The following PHLDB2 variants were observed in gnomAD, a reference collection of about 807,000 sequenced individuals.
PHLDB2 encodes the protein pleckstrin homology-like domain family B member 2.
In PHLDB2, 71 loss-of-function variants were observed where a neutral mutation model predicts 123.6. That is an observed-to-expected ratio of 0.57 (90% CI 0.47 to 0.70). The LOEUF is 0.70. Ranked by LOEUF, PHLDB2 falls within the 30% of genes least tolerant of loss-of-function variation. The probability of loss-of-function intolerance (pLI) is 0.00; values close to 1 mark genes in which losing one functional copy is unlikely to be tolerated. For missense variants in PHLDB2, 1,446 were observed against 1,519.5 expected (o/e 0.95, Z 0.80); for synonymous variants, 547 against 541.6 (o/e 1.01, Z -0.14).
intron 4 of PHLDB2, among the ~76,000 whole-genome samples, chr3:111,919,844 T>G (rs1370388851): frequency 6.6e-6 from 1 of 152,232 alleles, no homozygotes; most frequent in Non-Finnish European, 1.5e-5. Flanking sequence ...ACCTGTTGTC[T>G]TGCGTAGAGA....
chr3:111,873,425 G>C lies in PHLDB2; in HGVS notation c.-14-10639G>C, dbSNP rs141670286. Reference sequence around the variant, plus strand: ...AATATTTTAGTCAGGTGGTTAAGTAGCATTTCCAACTACAAACAGGTTCGA... The same window carrying C: ...AATATTTTAGTCAGGTGGTTAAGTACCATTTCCAACTACAAACAGGTTCGA... On this transcript the variant is annotated intron_variant, in intron 1 of 17. Coordinates refer to ENST00000431670, the MANE Select transcript of PHLDB2 (RefSeq NM_001134438.2). 3.7e-3 allele frequency among the ~76,000 whole-genome samples: 557 copies of C among 152,292 alleles called. 4 individuals carry two copies. Among genetic ancestry groups the C allele is most frequent in the African/African-American group, 0.013 (538 of 41,552 alleles).
intron 1 of PHLDB2, among the ~76,000 whole-genome samples, chr3:111,760,158 T>G (rs1029197531): frequency 1.3e-5 from 2 of 152,262 alleles, no homozygotes; most frequent in Non-Finnish European, 2.9e-5. Flanking sequence ...TATTCCTGAC[T>G]GATATTCTTT....
intron 9 of PHLDB2, among the ~76,000 whole-genome samples, chr3:111,948,289 A>T (rs1266273768): frequency 6.6e-6 from 1 of 152,024 alleles, no homozygotes; most frequent in African/African-American, 2.4e-5. Flanking sequence ...GTGTTTGTGC[A>T]TGCACACATT....
At chr3:111,865,104 G>A (rs2065003805) in intron 1 of PHLDB2, among the ~76,000 whole-genome samples, 1 of 152,230 alleles carries the variant, frequency 6.6e-6, no homozygotes, top group Admixed American at 6.5e-5. Flanking sequence ...CAGACCCAGT[G>A]TGAATAGTGC....
intron 1 of PHLDB2, among the ~76,000 whole-genome samples, chr3:111,860,246 C>G (rs1161095723): frequency 6.6e-6 from 1 of 151,764 alleles, no homozygotes; most frequent in African/African-American, 2.4e-5. Context: ...TCAGAGAAGA[C>G]TCCCTCCCCG....
At chr3:111,897,488 T>C (rs955055006) in intron 2 of PHLDB2, among the ~76,000 whole-genome samples, 3 of 152,236 alleles carry the variant, frequency 2.0e-5, no homozygotes, top group Non-Finnish European at 4.4e-5. Flanking sequence ...AAGTTGCAAA[T>C]AGCCAAAAGC....
chr3:111,939,042 A>G (rs1577136788), intron 6 of PHLDB2, among the ~76,000 whole-genome samples: 2 of 152,082 alleles, frequency 1.3e-5, no homozygotes, highest in African/African-American at 4.8e-5. Flanking sequence ...TCCTGACCTC[A>G]GGTGATCCCC....
chr3:111,869,714 TG>T (rs1179566822), intron 1 of PHLDB2, among the ~76,000 whole-genome samples: 2 of 4,326 alleles, frequency 4.6e-4, no homozygotes, highest in Non-Finnish European at 0.017. Context: ...TCTGTGTGTG[TG>T]TGTGTGTGTG....
intron 2 of PHLDB2, among the ~76,000 whole-genome samples, chr3:111,890,577 AC>A (rs1217267848): frequency 2.0e-5 from 3 of 152,236 alleles, no homozygotes; most frequent in Non-Finnish European, 4.4e-5. Context: ...TAATGAGGAA[AC>A]CAGGTGGGGT....
intron 16 of PHLDB2, among the ~76,000 whole-genome samples, chr3:111,972,405 C>T (rs2072260303): frequency 6.6e-6 from 1 of 151,966 alleles, no homozygotes. Flanking sequence ...CTTTTCAGGG[C>T]CATTATTTTT....
At chr3:111,755,921 T>C (rs2059879960) in intron 1 of PHLDB2, among the ~76,000 whole-genome samples, 1 of 151,414 alleles carries the variant, frequency 6.6e-6, no homozygotes, top group African/African-American at 2.4e-5. Context: ...CCACTAGTCA[T>C]TCAGGAGCAG....
At chr3:111,868,397 G>A (rs553132801) in intron 1 of PHLDB2, among the ~76,000 whole-genome samples, 190 of 152,184 alleles carry the variant, frequency 1.2e-3, no homozygotes, top group African/African-American at 4.3e-3. Flanking sequence ...TAATTGGTAT[G>A]CGCCCTCAGT....
At chr3:111,818,905 T>G (rs6764262) in intron 1 of PHLDB2, among the ~76,000 whole-genome samples, 31,953 of 152,038 alleles carry the variant, frequency 0.21, 5,242 homozygotes, top group African/African-American at 0.44. Flanking sequence ...ACCTTCCAAA[T>G]TTCATGTCCA....
intron 2 of PHLDB2, among the ~76,000 whole-genome samples, chr3:111,903,363 G>A (rs555969564): frequency 8.5e-5 from 13 of 152,286 alleles, no homozygotes; most frequent in East Asian, 7.7e-4. Flanking sequence ...AGTGGTGAGC[G>A]TGGGAGGACC....
At chr3:111,932,790 T>C (rs1176309590) in intron 6 of PHLDB2, among the ~76,000 whole-genome samples, 1 of 152,206 alleles carries the variant, frequency 6.6e-6, no homozygotes, top group Middle Eastern at 3.2e-3. Flanking sequence ...GATTTTAGAC[T>C]CTTGTCCCCA....
At chr3:111,826,497 G>T (rs963551943) in intron 1 of PHLDB2, among the ~76,000 whole-genome samples, 1 of 152,084 alleles carries the variant, frequency 6.6e-6, no homozygotes, top group East Asian at 1.9e-4. Flanking sequence ...TCTTAGGTAC[G>T]TGGGCAATCC....
At chr3:111,805,891 C>A (rs2061564525) in intron 1 of PHLDB2, among the ~76,000 whole-genome samples, 1 of 143,354 alleles carries the variant, frequency 7.0e-6, no homozygotes, top group Admixed American at 7.2e-5. Flanking sequence ...TACAAGAAGT[C>A]AAGAAAGAAG....
intron 1 of PHLDB2, among the ~76,000 whole-genome samples, chr3:111,778,629 A>G (rs2060311118): frequency 6.6e-6 from 1 of 152,028 alleles, no homozygotes; most frequent in Non-Finnish European, 1.5e-5. Context: ...GTTTTAGTGA[A>G]CTTGGAAGGC....
exon 1 of PHLDB2, chr3:111,732,703 G>A (rs1382040102): frequency 6.5e-7 from 1 of 1,534,090 alleles, no homozygotes; most frequent in Non-Finnish European, 8.7e-7. Flanking sequence ...CAGCAGACAA[G>A]GTAGGTGATC....
Sources: allele counts gnomAD v4.1 joint callset (sites outside exome capture counted in the v4.1 genomes callset), GRCh38; gene constraint gnomAD v4.1.1; transcripts MANE v1.5; gene names NCBI Gene and HGNC (gene_info 2026-07-23, HGNC 2026-07-21).